The following APP variants were observed in gnomAD, a reference collection of about 807,000 sequenced individuals.
APP encodes the protein amyloid-beta precursor protein.
In APP, 31 loss-of-function variants were observed where a neutral mutation model predicts 101.4. That is an observed-to-expected ratio of 0.31 (90% confidence interval 0.23 to 0.41). APP has a LOEUF of 0.41. APP is among the 10% of genes least tolerant of loss of function. The probability of loss-of-function intolerance (pLI) is 1.00; values close to 1 mark genes in which losing one functional copy is unlikely to be tolerated. For synonymous variants in APP, 366 were observed against 364.4 expected (o/e 1.00, Z -0.05); for missense variants, 839 against 1,003.7 (o/e 0.84, Z 2.22).
intron 3 of APP, among the ~76,000 whole-genome samples, chr21:26,073,591 G>A (rs2146043862): frequency 6.6e-6 from 1 of 152,298 alleles, no homozygotes; most frequent in African/African-American, 2.4e-5. Flanking sequence ...GAAGTTAAAG[G>A]AATACACAGA....
intron 1 of APP, among the ~76,000 whole-genome samples, chr21:26,152,150 T>C (rs1291765626): frequency 1.3e-5 from 2 of 151,468 alleles, no homozygotes; most frequent in Non-Finnish European, 2.9e-5. Flanking sequence ...CCGGGCGTGG[T>C]GGCGGGCGCC....
At chr21:25,986,253 A>T (rs866463234) in intron 8 of APP, among the ~76,000 whole-genome samples, 23 of 152,176 alleles carry the variant, frequency 1.5e-4, no homozygotes, top group African/African-American at 5.3e-4. Context: ...CAGGTCACTG[A>T]TATATTTAAG....
chr21:26,044,954 T>C (rs1001405005), intron 5 of APP, among the ~76,000 whole-genome samples: 3 of 152,258 alleles, frequency 2.0e-5, no homozygotes, highest in African/African-American at 7.2e-5. Context: ...CCATCATTGC[T>C]AAAATGATGT....
At chr21:26,001,124 C>G (rs2043275682) in intron 6 of APP, among the ~76,000 whole-genome samples, 1 of 152,130 alleles carries the variant, frequency 6.6e-6, no homozygotes, top group South Asian at 2.1e-4. Context: ...CAATAAAACG[C>G]AGTCAATCAA....
Position 26,032,805 on chromosome 21 carries a change from A to AATATATAT in APP, c.663-10771_663-10764dup, listed in dbSNP as rs10532653. On this transcript the variant is annotated intron_variant, in intron 5 of 17. Coordinates refer to ENST00000346798, the MANE Select transcript of APP (RefSeq NM_000484.4). ...GGCTTATTATTTTAGAAAAAAAAAA[A>AATATATAT]ATATATATATATATATAAAGAGCTA... Among the ~76,000 whole-genome samples, 745 of 124,422 alleles carry AATATATAT rather than the reference A, an allele frequency of 6.0e-3. 32 individuals are homozygous for AATATATAT. The East Asian group carries it at 0.1, about 17-fold the overall frequency. The allele number at this position is 124,422 out of a possible 152,430, so 81.6% of individuals were successfully genotyped here.
chr21:25,990,351 T>A (rs187412906), intron 8 of APP, among the ~76,000 whole-genome samples: 2 of 152,320 alleles, frequency 1.3e-5, no homozygotes, highest in Non-Finnish European at 2.9e-5. Flanking sequence ...GCTGGCATTA[T>A]TTTTTTATTA....
intron 6 of APP, among the ~76,000 whole-genome samples, chr21:26,019,042 G>A (rs1298832978): frequency 6.6e-6 from 1 of 152,168 alleles, no homozygotes; most frequent in Non-Finnish European, 1.5e-5. Flanking sequence ...TAGAATATGG[G>A]CCTAAGTTTA....
At chr21:26,132,510 TCTC>T (rs1284860794) in intron 1 of APP, among the ~76,000 whole-genome samples, 1 of 106,560 alleles carries the variant, frequency 9.4e-6, no homozygotes, top group Non-Finnish European at 1.7e-5. Context: ...TACTTTTAGT[TCTC>T]CTCTACCTTT....
rs542832753 is a variant in APP, at chr21:26,156,265, T to C, written c.57+14299A>G. 1.4e-4 allele frequency among the ~76,000 whole-genome samples: 21 copies of C among 152,348 alleles called. 2 individuals are homozygous for C. The South Asian group carries it at 3.5e-3, about 26-fold the overall frequency. On this transcript the variant is annotated intron_variant, in intron 1 of 17. Transcript: ENST00000346798. ...GTATGAATAGACCATTTTTATTTCA[T>C]TGATATCTAACTAGGAACGTTGCAA...
intron 6 of APP, among the ~76,000 whole-genome samples, chr21:26,012,685 G>A (rs1284695970): frequency 1.4e-5 from 2 of 145,870 alleles, no homozygotes; most frequent in East Asian, 2.1e-4. Context: ...GGCTAAAAAC[G>A]TGTGCCCGGT....
intron 13 of APP, among the ~76,000 whole-genome samples, chr21:25,948,390 G>A (rs908369651): frequency 6.6e-6 from 1 of 151,728 alleles, no homozygotes; most frequent in African/African-American, 2.4e-5. Context: ...CTGAAGAGTG[G>A]AACATTTTAT....
At chr21:26,162,605 AT>A (rs954343805) in intron 1 of APP, among the ~76,000 whole-genome samples, 4 of 151,656 alleles carry the variant, frequency 2.6e-5, no homozygotes, top group Non-Finnish European at 4.4e-5. Flanking sequence ...TAAACCTCTC[AT>A]TTTTCTTCCT....
At chr21:26,011,019 G>A (rs191975262) in intron 6 of APP, among the ~76,000 whole-genome samples, 34 of 151,832 alleles carry the variant, frequency 2.2e-4, no homozygotes, top group East Asian at 1.9e-4. Flanking sequence ...GCAAGACTCC[G>A]TCTTTGGGGG....
At chr21:25,924,443 T>TAAAAAAA (rs1569061920) in intron 13 of APP, among the ~76,000 whole-genome samples, 1 of 88,624 alleles carries the variant, frequency 1.1e-5, no homozygotes, top group Non-Finnish European at 2.2e-5. Flanking sequence ...AAAAAAAAGG[T>TAAAAAAA]TGAGTTCATG....
intron 1 of APP, among the ~76,000 whole-genome samples, chr21:26,121,764 G>A (rs2062576813): frequency 6.6e-6 from 1 of 152,138 alleles, no homozygotes; most frequent in African/African-American, 2.4e-5. Context: ...TAGAGTTTAA[G>A]GCTTACGCTA....
chr21:26,020,542 A>G (rs1415493722), intron 6 of APP, among the ~76,000 whole-genome samples: 1 of 152,228 alleles, frequency 6.6e-6, no homozygotes, highest in Non-Finnish European at 1.5e-5. Flanking sequence ...CTCTAATAGA[A>G]CAATAAATCT....
intron 14 of APP, 103 bp from the exon 15 acceptor site, chr21:25,905,180 A>T: frequency 3.1e-6 from 3 of 977,126 alleles, no homozygotes; most frequent in Non-Finnish European, 4.8e-6. Flanking sequence ...CATATGCAAT[A>T]AACAAGTTAC....
At chr21:26,037,763 T>A (rs114648589) in intron 5 of APP, among the ~76,000 whole-genome samples, 2,932 of 152,248 alleles carry the variant, frequency 0.019, 83 homozygotes, top group African/African-American at 0.067. Flanking sequence ...TGTGTATGAG[T>A]CCTTGGCTCC....
chr21:26,074,557 C>T (rs2061467555), intron 3 of APP, among the ~76,000 whole-genome samples: 1 of 152,176 alleles, frequency 6.6e-6, no homozygotes, highest in African/African-American at 2.4e-5. Flanking sequence ...TCGAGACCAT[C>T]GTGGGCAACA....
Sources: gnomAD v4.1 joint callset for allele counts (sites outside exome capture counted in the v4.1 genomes callset) on GRCh38, gnomAD v4.1.1 for gene constraint, MANE v1.5 for transcripts, NCBI Gene and HGNC (gene_info 2026-07-23, HGNC 2026-07-21) for gene names.